Variants in NHSL1 observed in about 807,000 individuals in gnomAD.
NHSL1 encodes NHS like 1.
A neutral mutation model predicts 95.0 loss-of-function variants in NHSL1; 48 were observed. The observed-to-expected ratio is 0.51, with a 90% CI of 0.40 to 0.64. The LOEUF (loss-of-function observed/expected upper bound fraction) is 0.64, where lower values mean the gene tolerates loss of function less well. Among genes scored for constraint, NHSL1 ranks in the 30% least tolerant of loss-of-function variants. The pLI, the probability that NHSL1 is intolerant of heterozygous loss-of-function variation, is 0.00. For synonymous variants in NHSL1, 783 were observed against 833.9 expected (o/e 0.94, Z 1.05); for missense variants, 1,971 against 2,077.7 (o/e 0.95, Z 1.00).
chr6:138,592,678 A>G (rs1784248618), intron 1 of NHSL1, among the ~76,000 whole-genome samples: 1 of 152,192 alleles, frequency 6.6e-6, no homozygotes, highest in Non-Finnish European at 1.5e-5. Flanking sequence ...AAGAGTGAAA[A>G]CTGACAAGTA....
intron 1 of NHSL1, among the ~76,000 whole-genome samples, chr6:138,682,561 G>C (rs1037919332): frequency 1.3e-5 from 2 of 152,192 alleles, no homozygotes; most frequent in Non-Finnish European, 2.9e-5. Context: ...ACATGAAACT[G>C]TCAAGTACTT....
intron 5 of NHSL1, among the ~76,000 whole-genome samples, chr6:138,440,438 C>T (rs950147933): frequency 6.6e-6 from 1 of 152,130 alleles, no homozygotes; most frequent in Non-Finnish European, 1.5e-5. Flanking sequence ...ATGTGGGGCA[C>T]GAACCAAAGA....
chr6:138,591,053 A>G (rs1784216839), intron 1 of NHSL1, among the ~76,000 whole-genome samples: 1 of 152,158 alleles, frequency 6.6e-6, no homozygotes. Flanking sequence ...CCTCTCAAGA[A>G]AAAGAACAGC....
At chr6:138,683,673 G>A (rs892457412) in intron 1 of NHSL1, among the ~76,000 whole-genome samples, 1 of 152,228 alleles carries the variant, frequency 6.6e-6, no homozygotes, top group African/African-American at 2.4e-5. Flanking sequence ...TCAGGTAACT[G>A]AGAGACACTG....
chr6:138,578,713 T>C (rs1169290853), intron 1 of NHSL1, among the ~76,000 whole-genome samples: 1 of 152,172 alleles, frequency 6.6e-6, no homozygotes, highest in African/African-American at 2.4e-5. Context: ...TTTTTGTAAA[T>C]TGTATTAAGC....
chr6:138,547,363 C>T (rs1339768707), upstream of NHSL1, among the ~76,000 whole-genome samples: 3 of 150,508 alleles, frequency 2.0e-5, no homozygotes, highest in Non-Finnish European at 3.0e-5. Context: ...GAATGATGAA[C>T]AGTGATATTA....
chr6:138,496,229 T>C lies in NHSL1; in HGVS notation c.201A>G (p.Ser67=), dbSNP rs902159873. 3 of 1,550,840 alleles carry C rather than the reference T, an allele frequency of 1.9e-6. No individual in the cohort carries two copies. In the African/African-American group the frequency reaches 4.1e-5, roughly 21 times the overall value. The change falls in exon 2 of 8, where the codon TCA becomes TCG. Residue 67 remains serine, a synonymous_variant. Transcript: ENST00000343505. ...AGGATGCCATCTTACCCCTCAGTACTGATTTGAGGTTGAGCTTGGCTTGGC... is the reference window on the plus strand; with the variant it reads ...AGGATGCCATCTTACCCCTCAGTACCGATTTGAGGTTGAGCTTGGCTTGGC... ...LHRQAKLNLK[S]VLRECDKLRH...
rs545965703 is a variant in NHSL1 at position 138,666,545 on chromosome 6, T to G, written c.96+25931A>C. On this transcript the variant is annotated intron_variant, in intron 1 of 3. Coordinates refer to the NHSL1 transcript ENST00000491526. ...AGGTAGAGCTTGCAGTGAGCTGAGA[T>G]TGCACCACTGCATTTCAGCCTAGAC... is the stretch of plus-strand genomic sequence containing the variant. 2.1e-5 allele frequency among the ~76,000 whole-genome samples: 3 copies of G among 141,116 alleles called. No individual in the cohort carries two copies. In the South Asian group the frequency reaches 6.5e-4, roughly 31 times the overall value. The allele number at this position is 141,116 out of a possible 152,430, so 92.6% of individuals were successfully genotyped here.
intron 1 of NHSL1, among the ~76,000 whole-genome samples, chr6:138,588,237 C>T (rs2114513997): frequency 1.3e-5 from 2 of 152,268 alleles, no homozygotes; most frequent in South Asian, 4.1e-4. Context: ...CCCAGGCGGG[C>T]AGATCACTTG....
intron 1 of NHSL1, among the ~76,000 whole-genome samples, chr6:138,652,722 A>G (rs1395528140): frequency 6.6e-6 from 1 of 152,124 alleles, no homozygotes; most frequent in African/African-American, 2.4e-5. Flanking sequence ...TACCTCTAAA[A>G]GGGGAGAAAC....
At chr6:138,491,512 A>C (rs1780076013) in intron 2 of NHSL1, among the ~76,000 whole-genome samples, 1 of 152,190 alleles carries the variant, frequency 6.6e-6, no homozygotes, top group South Asian at 2.1e-4. Flanking sequence ...GCAGATAAAA[A>C]TTTAGCCAGA....
intron 1 of NHSL1, among the ~76,000 whole-genome samples, chr6:138,661,733 A>G (rs534814875): frequency 1.3e-5 from 2 of 152,258 alleles, no homozygotes; most frequent in African/African-American, 4.8e-5. Flanking sequence ...TTCATTAAAT[A>G]TAGAATGAAG....
intron 2 of NHSL1, among the ~76,000 whole-genome samples, chr6:138,487,391 T>C (rs79373924): frequency 0.012 from 1,870 of 152,332 alleles, 50 homozygotes; most frequent in African/African-American, 0.042. Flanking sequence ...ATCTTATCTC[T>C]GGCTAGCTTT....
At chr6:138,565,762 A>AAAAAT (rs146572935) in intron 1 of NHSL1, among the ~76,000 whole-genome samples, 9,452 of 147,484 alleles carry the variant, frequency 0.064, 981 homozygotes, top group African/African-American at 0.22. Flanking sequence ...CCATCTCTAC[A>AAAAAT]AAAATAAAAT....
At chr6:138,641,485 GA>G (rs1349392646) in intron 1 of NHSL1, among the ~76,000 whole-genome samples, 1 of 152,030 alleles carries the variant, frequency 6.6e-6, no homozygotes, top group African/African-American at 2.4e-5. Context: ...AGAAATCATG[GA>G]AAGTCAAACT....
intron 1 of NHSL1, among the ~76,000 whole-genome samples, chr6:138,607,764 C>T (rs1480140614): frequency 6.6e-6 from 1 of 152,132 alleles, no homozygotes; most frequent in Admixed American, 6.6e-5. Flanking sequence ...GCTTCTGTTT[C>T]AGAAGGACAA....
intron 1 of NHSL1, among the ~76,000 whole-genome samples, chr6:138,524,017 T>C (rs963554046): frequency 2.6e-5 from 4 of 152,164 alleles, no homozygotes; most frequent in Non-Finnish European, 4.4e-5. Context: ...ATGCCCATTT[T>C]TGGAGTTGAG....
intron 3 of NHSL1, among the ~76,000 whole-genome samples, chr6:138,460,023 T>C (rs998712546): frequency 4.6e-5 from 7 of 152,224 alleles, no homozygotes; most frequent in Non-Finnish European, 8.8e-5. Context: ...TTTTCTGCTT[T>C]GTACAGTCTT....
chr6:138,633,284 G>T (rs374202955), intron 1 of NHSL1, among the ~76,000 whole-genome samples: 1 of 152,048 alleles, frequency 6.6e-6, no homozygotes, highest in South Asian at 2.1e-4. Context: ...TTATTCAAAC[G>T]GATAATAACA....
Sources: gnomAD v4.1 joint callset for allele counts (sites outside exome capture counted in the v4.1 genomes callset) on GRCh38, gnomAD v4.1.1 for gene constraint, MANE v1.5 for transcripts, NCBI Gene and HGNC (gene_info 2026-07-23, HGNC 2026-07-21) for gene names.